Variants in SLC10A1 observed in about 807,000 individuals in gnomAD.
SLC10A1 encodes solute carrier family 10 member 1.
Under a neutral mutation model 20.5 loss-of-function variants are expected in SLC10A1, and 36 were observed. That is an observed-to-expected ratio of 1.75 (90% confidence interval 1.34 to 2.32). The LOEUF is 2.32. SLC10A1 is among the 30% of genes most tolerant of loss of function. The pLI, the probability that SLC10A1 is intolerant of heterozygous loss-of-function variation, is 0.00. For missense variants in SLC10A1, 545 were observed against 439.1 expected (o/e 1.24, Z -2.16); for synonymous variants, 188 against 163.6 (o/e 1.15, Z -1.14).
At chr14:69,790,939 A>G (rs1000301010) in intron 1 of SLC10A1, among the ~76,000 whole-genome samples, 2 of 152,126 alleles carry the variant, frequency 1.3e-5, no homozygotes, top group Admixed American at 1.3e-4. Context: ...TTCTAAATAC[A>G]TTAGCATCAG....
chr14:69,776,676 T>C (rs1446020583), intron 4 of SLC10A1, among the ~76,000 whole-genome samples: 1 of 152,208 alleles, frequency 6.6e-6, no homozygotes, highest in South Asian at 2.1e-4. Context: ...GAGATGAGTT[T>C]ATGTATGCAA....
intron 1 of SLC10A1, among the ~76,000 whole-genome samples, chr14:69,786,858 G>A (rs1229952643): frequency 6.6e-6 from 1 of 152,260 alleles, no homozygotes; most frequent in African/African-American, 2.4e-5. Context: ...GGGAGTCTGA[G>A]TGTGAGACAC....
In SLC10A1 at chr14:69,796,816, C is replaced by A. The variant is rs774528826; in HGVS notation, c.340G>T (p.Gly114Trp). ...LSNVFSLAMK[G>W]DMNLSIVMTT... ...CAGGCCTACCTGAGGTTCATGTCCC[C>A]CTTCATGGCCAGACTGAAGACATTG... The change falls in exon 1 of 5, where the codon GGG (glycine) becomes TGG (tryptophan). Residue 114 changes from glycine (G) to tryptophan (W), a missense_variant. Gly to Trp is a radical substitution (Grantham distance 184). Transcript: ENST00000216540. 6.2e-7 allele frequency: 1 copy of A among 1,613,858 alleles called. No individual in the cohort carries two copies. The highest frequency in any genetic ancestry group is 8.5e-7 in the Non-Finnish European group (1 of 1,179,852).
chr14:69,786,530 T>C (rs1370260893), intron 1 of SLC10A1, among the ~76,000 whole-genome samples: 1 of 152,202 alleles, frequency 6.6e-6, no homozygotes, highest in Non-Finnish European at 1.5e-5. Context: ...AGGTAGTAAG[T>C]GGCCAAGGCA....
chr14:69,781,790 TAC>T (rs1330618737), intron 2 of SLC10A1, among the ~76,000 whole-genome samples: 1 of 152,218 alleles, frequency 6.6e-6, no homozygotes, highest in East Asian at 1.9e-4. Context: ...AGTTAAAAAT[TAC>T]TTGAATTGCC....
At chr14:69,780,141 C>G (rs547668836) in intron 2 of SLC10A1, among the ~76,000 whole-genome samples, 63 of 152,220 alleles carry the variant, frequency 4.1e-4, no homozygotes, top group African/African-American at 1.4e-3. Context: ...AAGGAAGTTC[C>G]CAAAAGAACT....
Position 69,778,543 on chromosome 14 carries a change from G to GAA in SLC10A1, c.747-16_747-15dup, listed in dbSNP as rs1883508678. ...GTGCGTCTGCACCTGTGCCGGTGAA[G>GAA]AAAACCCCACATACACTCAGAGGGA... is the stretch of plus-strand genomic sequence containing the variant. On this transcript the variant is annotated splice_polypyrimidine_tract_variant and intron_variant, in intron 3 of 4. Transcript: ENST00000216540. 6.3e-7 allele frequency: 1 copy of GAA among 1,580,586 alleles called. No individual in the cohort carries two copies. Among genetic ancestry groups the GAA allele is most frequent in the Non-Finnish European group, 8.6e-7 (1 of 1,166,506 alleles).
intron 1 of SLC10A1, 41 bp downstream of exon 1, chr14:69,796,759 G>T: frequency 6.7e-7 from 1 of 1,492,306 alleles, no homozygotes. Context: ...ATCTAATGTA[G>T]CTCCTGTCCC....
intron 4 of SLC10A1, among the ~76,000 whole-genome samples, chr14:69,776,854 T>A (rs1387498776): frequency 6.6e-6 from 1 of 152,320 alleles, no homozygotes; most frequent in South Asian, 2.1e-4. Flanking sequence ...TCCTGCACCT[T>A]TCTATACAGA....
intron 1 of SLC10A1, among the ~76,000 whole-genome samples, chr14:69,792,323 A>G (rs759271361): frequency 1.3e-5 from 2 of 152,200 alleles, no homozygotes; most frequent in Non-Finnish European, 2.9e-5. Context: ...GACTGTTGCA[A>G]CATATATAAA....
At chr14:69,776,662 A>G (rs1001225569) in intron 4 of SLC10A1, among the ~76,000 whole-genome samples, 2 of 152,200 alleles carry the variant, frequency 1.3e-5, no homozygotes, top group Non-Finnish European at 2.9e-5. Context: ...CAGTAAAACA[A>G]CAGGAGATGA....
chr14:69,787,610 G>A (rs2332167), intron 1 of SLC10A1, among the ~76,000 whole-genome samples: 57,004 of 152,104 alleles, frequency 0.37, 12,995 homozygotes, highest in African/African-American at 0.64. Context: ...CAATAGGTAG[G>A]CATGTCATAA....
intron 2 of SLC10A1, among the ~76,000 whole-genome samples, chr14:69,785,502 T>G (rs1437362333): frequency 1.3e-5 from 2 of 152,208 alleles, no homozygotes; most frequent in East Asian, 1.9e-4. Context: ...GCCCTCACTG[T>G]TCCCATCTCC....
Position 69,786,196 on chromosome 14 carries a change from A to C in SLC10A1, c.468T>G (p.Tyr156Ter). 1 of 1,614,050 alleles carries C rather than the reference A, an allele frequency of 6.2e-7. No homozygotes were observed. The highest frequency in any genetic ancestry group is 8.5e-7 in the Non-Finnish European group (1 of 1,179,948). The change falls in exon 2 of 5, where the codon TAT becomes TAG. Residue 156 changes from tyrosine to a stop codon, truncating the protein, a stop_gained. Transcript: ENST00000216540. LOFTEE classifies it high-confidence loss of function. ...GGACCAGTGATATCACGATGCCTTT[A>C]TAGGGCACCTTGTCCTTCAGGTCCC... ...YDGDLKDKVP[Y>*]KGIVISLVLV...
chr14:69,787,529 A>G (rs1008524832), intron 1 of SLC10A1, among the ~76,000 whole-genome samples: 9 of 152,250 alleles, frequency 5.9e-5, no homozygotes, highest in African/African-American at 2.2e-4. Flanking sequence ...ATTTCTATAA[A>G]GATGGAATAT....
At chr14:69,785,967 G>A (rs1883701817) in intron 2 of SLC10A1, 130 bp downstream of exon 2, 1 of 682,844 alleles carries the variant, frequency 1.5e-6, no homozygotes. Context: ...TCCTTAGAGT[G>A]CATAGCATAA....
intron 1 of SLC10A1, among the ~76,000 whole-genome samples, chr14:69,793,592 A>T (rs1882325168): frequency 6.6e-6 from 1 of 152,150 alleles, no homozygotes; most frequent in South Asian, 2.1e-4. Context: ...ATGAAGTGGA[A>T]AACTTCTGGG....
chr14:69,788,922 C>A (rs1021415299), intron 1 of SLC10A1, among the ~76,000 whole-genome samples: 1 of 152,104 alleles, frequency 6.6e-6, no homozygotes, highest in Non-Finnish European at 1.5e-5. Context: ...GAGATATTTT[C>A]CCAAAGAAGA....
intron 2 of SLC10A1, among the ~76,000 whole-genome samples, chr14:69,785,746 C>G (rs915948770): frequency 2.7e-5 from 4 of 150,896 alleles, no homozygotes; most frequent in African/African-American, 9.7e-5. Context: ...TGCAGGCACT[C>G]GCTACCATGC....
Sources: allele counts gnomAD v4.1 joint callset (sites outside exome capture counted in the v4.1 genomes callset), GRCh38; gene constraint gnomAD v4.1.1; transcripts MANE v1.5; gene names NCBI Gene and HGNC (gene_info 2026-07-23, HGNC 2026-07-21).